TMEM132D: variants seen among roughly 807,000 people sequenced by gnomAD.
TMEM132D encodes transmembrane protein 132D, also known as mature OL transmembrane protein.
In TMEM132D, 21 loss-of-function variants were observed where a neutral mutation model predicts 62.3. The observed-to-expected ratio is 0.34, with a 90% CI of 0.24 to 0.49. TMEM132D has a LOEUF of 0.49. TMEM132D is among the 20% of genes least tolerant of loss of function. The pLI is 0.99. For missense variants in TMEM132D, 1,346 were observed against 1,402.8 expected, an observed-to-expected ratio of 0.96 and a Z score of 0.65; for synonymous variants, 621 against 575.6, an observed-to-expected ratio of 1.08 and a Z score of -1.13.
chr12:129,779,546 G>T lies in TMEM132D; in HGVS notation c.80-78848C>A, dbSNP rs1392360841. ...CACCTGCCTGCCTCAGCCTCCCAAA[G>T]TGTTGGGATTACAGGTGTGAGCCAC... On this transcript the variant is annotated intron_variant, in intron 1 of 8. Coordinates refer to ENST00000422113, the MANE Select transcript of TMEM132D (RefSeq NM_133448.3). The surrounding 1 kb of genome is among the most constrained non-coding windows in gnomAD (Gnocchi z 4.1). 1.3e-5 allele frequency among the ~76,000 whole-genome samples: 2 copies of T among 152,156 alleles called. No homozygotes were observed. Among genetic ancestry groups the T allele is most frequent in the Non-Finnish European group, 2.9e-5 (2 of 68,016 alleles).
intron 5 of TMEM132D, among the ~76,000 whole-genome samples, chr12:129,207,860 T>G (rs1878901425): frequency 6.6e-6 from 1 of 152,182 alleles, no homozygotes; most frequent in East Asian, 1.9e-4. Context: ...ATCAAATCAG[T>G]GTAACTGAGA....
intron 3 of TMEM132D, among the ~76,000 whole-genome samples, chr12:129,419,704 T>C (rs1469899718): frequency 6.6e-6 from 1 of 152,204 alleles, no homozygotes; most frequent in Non-Finnish European, 1.5e-5. Context: ...TATAATGTCT[T>C]TTGAATAAGT....
intron 1 of TMEM132D, among the ~76,000 whole-genome samples, chr12:129,712,119 CATT>C (rs1184198011): frequency 6.6e-6 from 1 of 151,922 alleles, no homozygotes; most frequent in African/African-American, 2.4e-5. Context: ...ATTTTATTAT[CATT>C]ATTGTTATTA....
intron 2 of TMEM132D, among the ~76,000 whole-genome samples, chr12:129,552,133 A>T (rs1170299620): frequency 6.6e-6 from 1 of 152,190 alleles, no homozygotes; most frequent in Non-Finnish European, 1.5e-5. Flanking sequence ...GAAATGAGGG[A>T]GGTATATCCA....
chr12:129,375,875 C>T (rs1870766201), intron 3 of TMEM132D, among the ~76,000 whole-genome samples: 1 of 152,180 alleles, frequency 6.6e-6, no homozygotes, highest in South Asian at 2.1e-4. Flanking sequence ...GAGAGTTTTA[C>T]AAACTCATGT....
chr12:129,294,843 A>G (rs1210145150), intron 4 of TMEM132D, among the ~76,000 whole-genome samples: 1 of 152,188 alleles, frequency 6.6e-6, no homozygotes, highest in African/African-American at 2.4e-5. Flanking sequence ...GTTTTCTGAA[A>G]TATCTCCTAT....
intron 5 of TMEM132D, among the ~76,000 whole-genome samples, chr12:129,105,568 A>AC (rs1343063364): frequency 7.6e-6 from 1 of 131,686 alleles, no homozygotes; most frequent in Non-Finnish European, 1.7e-5. Flanking sequence ...AGAAAAAAAA[A>AC]AGAAAAAAAC....
At chr12:129,185,280 T>G (rs1364051413) in intron 5 of TMEM132D, among the ~76,000 whole-genome samples, 1 of 152,142 alleles carries the variant, frequency 6.6e-6, no homozygotes, top group East Asian at 1.9e-4. Context: ...AAATGAGATT[T>G]CTGTGATCTG....
At chr12:129,547,594 G>A (rs750250323) in intron 2 of TMEM132D, among the ~76,000 whole-genome samples, 1 of 152,216 alleles carries the variant, frequency 6.6e-6, no homozygotes, top group Admixed American at 6.5e-5. Context: ...TCAGTGGGCA[G>A]ACTTTCATGG....
rs527841805 is a variant in TMEM132D, at chr12:129,114,889, C to T, written c.1444-30187G>A. Among the ~76,000 whole-genome samples the T allele has an allele frequency of 8.5e-5, 13 of 152,264 alleles. No individual in the cohort carries two copies. The South Asian group carries it at 2.3e-3, about 27-fold the overall frequency. Reference sequence around the variant, plus strand: ...CTTGTTGCTGGATAGCATTCCATTGCGTGAATATACCACAATTTATTTGTT... The same window carrying T: ...CTTGTTGCTGGATAGCATTCCATTGTGTGAATATACCACAATTTATTTGTT... On this transcript the variant is annotated intron_variant, in intron 5 of 8. Transcript: ENST00000422113.
intron 1 of TMEM132D, among the ~76,000 whole-genome samples, chr12:129,826,219 A>G (rs1872660197): frequency 1.3e-5 from 2 of 152,206 alleles, no homozygotes; most frequent in Non-Finnish European, 2.9e-5. Flanking sequence ...AGGGGCCAGG[A>G]TACAGCCTCC....
chr12:129,513,310 G>T (rs372775657), intron 3 of TMEM132D, among the ~76,000 whole-genome samples: 1 of 152,106 alleles, frequency 6.6e-6, no homozygotes, highest in African/African-American at 2.4e-5. Context: ...TTTTGAGGGT[G>T]AGAGCTTACT....
chr12:129,878,634 T>G (rs1281222210), intron 1 of TMEM132D, among the ~76,000 whole-genome samples: 1 of 151,700 alleles, frequency 6.6e-6, no homozygotes, highest in Non-Finnish European at 1.5e-5. Flanking sequence ...TGGAGTGCAG[T>G]GGCATGACCT....
chr12:129,707,256 AAT>A (rs1244110940), intron 1 of TMEM132D, among the ~76,000 whole-genome samples: 18 of 148,570 alleles, frequency 1.2e-4, no homozygotes, highest in African/African-American at 2.4e-4. Context: ...ATGTGTATAT[AAT>A]ATATATGTTT....
At chr12:129,386,983 T>C (rs1871123593) in intron 3 of TMEM132D, among the ~76,000 whole-genome samples, 2 of 151,174 alleles carry the variant, frequency 1.3e-5, no homozygotes, top group Admixed American at 6.6e-5. Context: ...ATGCTAACAC[T>C]ATCACTAACA....
intron 3 of TMEM132D, among the ~76,000 whole-genome samples, chr12:129,424,779 G>A (rs1016462576): frequency 6.6e-6 from 1 of 150,848 alleles, no homozygotes; most frequent in Middle Eastern, 3.2e-3. Flanking sequence ...ATCTGTTTGA[G>A]GATTATAAAA....
At chr12:129,173,281 T>C (rs770237060) in intron 5 of TMEM132D, among the ~76,000 whole-genome samples, 40 of 152,190 alleles carry the variant, frequency 2.6e-4, no homozygotes, top group Non-Finnish European at 5.6e-4. Flanking sequence ...TTAATAAGCC[T>C]TGGATATAAG....
chr12:129,767,161 A>T (rs977499128), intron 1 of TMEM132D, among the ~76,000 whole-genome samples: 1 of 152,172 alleles, frequency 6.6e-6, no homozygotes, highest in Admixed American at 6.5e-5. Context: ...CCCTGTATCA[A>T]TTGCTCCAGA....
At chr12:129,186,149 T>A (rs1878217612) in intron 5 of TMEM132D, among the ~76,000 whole-genome samples, 1 of 152,146 alleles carries the variant, frequency 6.6e-6, no homozygotes, top group East Asian at 1.9e-4. Flanking sequence ...AAGGCCCCCA[T>A]GGGGATGCTA....
Sources: allele counts gnomAD v4.1 joint callset (sites outside exome capture counted in the v4.1 genomes callset), GRCh38; gene constraint gnomAD v4.1.1; non-coding constraint Gnocchi (gnomAD v3.1); transcripts MANE v1.5; gene names NCBI Gene and HGNC (gene_info 2026-07-23, HGNC 2026-07-21).